The following ARHGEF3 variants were observed in gnomAD, a reference collection of about 807,000 sequenced individuals.
The protein encoded by ARHGEF3 is 59.8 kDA protein.
Under a neutral mutation model 63.2 loss-of-function variants are expected in ARHGEF3, and 28 were observed. That is an observed-to-expected ratio of 0.44 (90% CI 0.33 to 0.61). ARHGEF3 has a LOEUF of 0.61. Ranked by LOEUF, ARHGEF3 falls within the 20% of genes least tolerant of loss-of-function variation. ARHGEF3 has a pLI of 0.03. For synonymous variants in ARHGEF3, 266 were observed against 254.2 expected, an observed-to-expected ratio of 1.05 and a Z score of -0.44; for missense variants, 533 against 659.3, an observed-to-expected ratio of 0.81 and a Z score of 2.10.
At chr3:56,819,511 G>GT (rs11391422) in intron 4 of ARHGEF3, among the ~76,000 whole-genome samples, 14,441 of 138,442 alleles carry the variant, frequency 0.1, 729 homozygotes, top group South Asian at 0.14. Context: ...CCAGGTGGCA[G>GT]TTTTTTTTTT....
chr3:56,750,678 T>G (rs990820744), intron 6 of ARHGEF3, among the ~76,000 whole-genome samples: 5 of 151,324 alleles, frequency 3.3e-5, no homozygotes, highest in Admixed American at 6.6e-5. Context: ...AAGTTTTTTT[T>G]TTTTTTTTTT....
At chr3:57,020,226 G>T (rs1314939113) in intron 2 of ARHGEF3, among the ~76,000 whole-genome samples, 2 of 152,094 alleles carry the variant, frequency 1.3e-5, no homozygotes, top group Admixed American at 6.5e-5. Flanking sequence ...CTTCAGGTAG[G>T]GACTTAAAAT....
chr3:56,732,054 T>C, intron 9 of ARHGEF3, 184 bp downstream of exon 9: 1 of 691,648 alleles, frequency 1.4e-6, no homozygotes, highest in East Asian at 2.7e-5. Flanking sequence ...CATTTCCATT[T>C]TGGAGATGAG....
chr3:56,986,338 A>G (rs904233846), intron 2 of ARHGEF3, among the ~76,000 whole-genome samples: 1 of 152,170 alleles, frequency 6.6e-6, no homozygotes, highest in Non-Finnish European at 1.5e-5. Context: ...CTAGTCTCTG[A>G]GACTGAAGGC....
chr3:57,007,318 A>G, intron 2 of ARHGEF3: 5 of 1,289,814 alleles, frequency 3.9e-6, no homozygotes, highest in Non-Finnish European at 4.0e-6. Context: ...CGCTGGTTCC[A>G]GAAACACCTC....
At chr3:56,810,465 G>A (rs537219974) in intron 4 of ARHGEF3, among the ~76,000 whole-genome samples, 28 of 152,228 alleles carry the variant, frequency 1.8e-4, no homozygotes, top group African/African-American at 6.5e-4. Flanking sequence ...AGCAGAGGTT[G>A]CAGTGAGCTT....
chr3:56,986,554 G>C (rs923623685), intron 2 of ARHGEF3, among the ~76,000 whole-genome samples: 1 of 152,160 alleles, frequency 6.6e-6, no homozygotes, highest in Non-Finnish European at 1.5e-5. Context: ...CCCTGGGGAC[G>C]GTGCAGTTGG....
chr3:57,030,918 G>A (rs1477045862), intron 2 of ARHGEF3, among the ~76,000 whole-genome samples: 3 of 152,186 alleles, frequency 2.0e-5, no homozygotes, highest in Non-Finnish European at 4.4e-5. Flanking sequence ...AAGACAAACT[G>A]CCCATAAATC....
chr3:56,941,328 C>T (rs1241010449), intron 3 of ARHGEF3, among the ~76,000 whole-genome samples: 1 of 152,222 alleles, frequency 6.6e-6, no homozygotes, highest in East Asian at 1.9e-4. Context: ...CTGCCTCAGG[C>T]TCCCAAGCAG....
intron 1 of ARHGEF3, among the ~76,000 whole-genome samples, chr3:56,789,020 ATGCTGCTGCTGCTGCTGC>A (rs34620976): frequency 0.013 from 1,984 of 149,212 alleles, 48 homozygotes; most frequent in African/African-American, 0.045. Flanking sequence ...TTCAAGATAG[ATGCTGCTGCTGCTGCTGC>A]TGCTGCTGCT....
intron 3 of ARHGEF3, among the ~76,000 whole-genome samples, chr3:56,947,631 G>A (rs1477277085): frequency 2.6e-5 from 4 of 152,218 alleles, no homozygotes; most frequent in Middle Eastern, 6.8e-3. Context: ...CATAAAGCAA[G>A]TCCTTAGAGA....
chr3:56,877,310 A>G lies in ARHGEF3; in HGVS notation c.192+4982T>C, dbSNP rs1247507657. 4.6e-5 allele frequency among the ~76,000 whole-genome samples: 7 copies of G among 152,188 alleles called. No homozygotes were observed. The East Asian group carries it at 1.2e-3, about 25-fold the overall frequency. ...AAATAATATTCTTACAGAATATTTC[A>G]TAATATGACACGTTCATAATATAGT... On this transcript the variant is annotated intron_variant, in intron 4 of 12. Coordinates refer to the ARHGEF3 transcript ENST00000338458.
chr3:56,826,068 G>C (rs556476189), intron 4 of ARHGEF3, among the ~76,000 whole-genome samples: 1 of 152,282 alleles, frequency 6.6e-6, no homozygotes, highest in South Asian at 2.1e-4. Context: ...AAGTTAGAAG[G>C]GGGTAAGCTT....
intron 1 of ARHGEF3, among the ~76,000 whole-genome samples, chr3:57,054,725 C>T (rs1432809069): frequency 6.7e-6 from 1 of 149,770 alleles, no homozygotes; most frequent in African/African-American, 2.5e-5. Context: ...AATCTCAGCT[C>T]ACTGCAACCT....
chr3:56,754,249 G>C (rs1379360702), intron 3 of ARHGEF3, among the ~76,000 whole-genome samples: 2 of 152,160 alleles, frequency 1.3e-5, no homozygotes, highest in African/African-American at 4.8e-5. Context: ...ATGATGCACA[G>C]AACACTCTTT....
intron 4 of ARHGEF3, among the ~76,000 whole-genome samples, chr3:56,848,916 C>A (rs1489321729): frequency 6.6e-6 from 1 of 152,148 alleles, no homozygotes; most frequent in African/African-American, 2.4e-5. Context: ...TGAGCCACCC[C>A]TCTTGGCCTC....
chr3:56,986,868 A>G (rs1701563133), intron 2 of ARHGEF3, among the ~76,000 whole-genome samples: 1 of 129,582 alleles, frequency 7.7e-6, no homozygotes, highest in Admixed American at 8.2e-5. Flanking sequence ...TCTTAATAGT[A>G]ATGATGGTCC....
intron 6 of ARHGEF3, among the ~76,000 whole-genome samples, chr3:56,746,341 A>G (rs1233791904): frequency 6.6e-6 from 1 of 152,226 alleles, no homozygotes; most frequent in Non-Finnish European, 1.5e-5. Context: ...GGCCTACTAT[A>G]TGGCAGACAC....
At chr3:56,892,428 T>C (rs2041155529) in intron 3 of ARHGEF3, among the ~76,000 whole-genome samples, 1 of 152,192 alleles carries the variant, frequency 6.6e-6, no homozygotes, top group Non-Finnish European at 1.5e-5. Flanking sequence ...GTACACCAGA[T>C]TGGACTCACT....
Sources: allele counts gnomAD v4.1 joint callset (sites outside exome capture counted in the v4.1 genomes callset), GRCh38; gene constraint gnomAD v4.1.1; transcripts MANE v1.5; gene names NCBI Gene and HGNC (gene_info 2026-07-23, HGNC 2026-07-21).